DLL3: variants seen among roughly 807,000 people sequenced by gnomAD.
The protein encoded by DLL3 is delta like canonical Notch ligand 3.
In DLL3, 49 loss-of-function variants were observed where a neutral mutation model predicts 55.0. That is an observed-to-expected ratio of 0.89 (90% CI 0.71 to 1.13). The LOEUF (loss-of-function observed/expected upper bound fraction) is 1.13. Ranked by LOEUF, DLL3 falls within the 50% of genes most tolerant of loss-of-function variation. The pLI, the probability that DLL3 is intolerant of heterozygous loss-of-function variation, is 0.00. For missense variants in DLL3, 962 were observed against 875.5 expected (o/e 1.10, Z -1.25); for synonymous variants, 421 against 385.2 (o/e 1.09, Z -1.09).
chr19:39,503,761 C>T (rs763502510), intron 4 of DLL3, among the ~76,000 whole-genome samples: 1 of 152,186 alleles, frequency 6.6e-6, no homozygotes, highest in Non-Finnish European at 1.5e-5. Context: ...CCTATCCTCA[C>T]GATCTCACCT....
At chr19:39,504,464 T>C (rs1357820228) in intron 5 of DLL3, among the ~76,000 whole-genome samples, 176 bp downstream of exon 5, 1 of 151,900 alleles carries the variant, frequency 6.6e-6, no homozygotes, top group Non-Finnish European at 1.5e-5. Flanking sequence ...GATTAGGTGA[T>C]GGGGATGGGA....
At position 39,508,284 on chromosome 19, in the gene DLL3, T is replaced by C. The variant is rs944593843; in HGVS notation, c.*27T>C. The stretch of plus-strand genomic sequence containing the variant: ...GCGTCTCCTCCATCCGCACCTGGAG[T>C]CAGAGCGTGGATTTTTGTATTTGCT... On this transcript the variant is annotated 3_prime_UTR_variant, in exon 9 of 9. Coordinates refer to ENST00000356433, the MANE Select transcript of DLL3 (RefSeq NM_203486.3). 1.2e-6 allele frequency: 2 copies of C among 1,613,786 alleles called. No individual in the cohort carries two copies. The highest frequency in any genetic ancestry group is 1.7e-6 in the Non-Finnish European group (2 of 1,179,860).
chr19:39,500,914 G>A (rs2079606235), intron 3 of DLL3, among the ~76,000 whole-genome samples: 1 of 152,156 alleles, frequency 6.6e-6, no homozygotes, highest in East Asian at 1.9e-4. Flanking sequence ...CCAGAGCAGA[G>A]TGTAGCATTT....
chr19:39,500,594 C>T, intron 2 of DLL3, 21 bp from the exon 3 acceptor site: 1 of 1,610,458 alleles, frequency 6.2e-7, no homozygotes, highest in Non-Finnish European at 8.5e-7. Context: ...CTTTCATCTC[C>T]CCCTTCCTTC....
Position 39,507,076 on chromosome 19 carries a change from C to T in DLL3, c.1131C>T (p.Cys377=). ...LCLDLGHALR[C]RCRAGFAGPR... ...TGGACCTGGGCCACGCCCTGCGCTG[C>T]CGCTGCCGCGCCGGCTTCGCGGGTC... The change falls in exon 7 of 9, where the codon TGC becomes TGT. Residue 377 remains cysteine, a synonymous_variant. Coordinates refer to ENST00000356433, the MANE Select transcript of DLL3 (RefSeq NM_203486.3). 1 of 1,542,634 alleles carries T rather than the reference C, an allele frequency of 6.5e-7. No homozygotes were observed. The highest frequency in any genetic ancestry group is 8.7e-7 in the Non-Finnish European group (1 of 1,151,304).
Position 39,507,044 on chromosome 19 carries a change from C to G in DLL3, c.1099C>G (p.Leu367Val), listed in dbSNP as rs761366581. 1 of 1,536,098 alleles carries G rather than the reference C, an allele frequency of 6.5e-7. No homozygotes were observed. Among genetic ancestry groups the G allele is most frequent in the Middle Eastern group, 2.1e-4 (1 of 4,678 alleles). The change falls in exon 7 of 9, where the codon CTC (leucine) becomes GTC (valine). Residue 367 changes from leucine (L) to valine (V), a missense_variant. By Grantham distance (32) the Leu-to-Val change is conservative. Coordinates refer to ENST00000356433, the MANE Select transcript of DLL3 (RefSeq NM_203486.3). ...TGATGCTCCCTTCCCCACAGGCGGA[C>G]TCTGCCTGGACCTGGGCCACGCCCT... Reference protein sequence around the residue: ...CSLQPCRNGGLCLDLGHALRC... With the variant: ...CSLQPCRNGGVCLDLGHALRC...
chr19:39,500,431 C>CA (rs1491046622), intron 2 of DLL3, among the ~76,000 whole-genome samples, 184 bp from the exon 3 acceptor site: 2 of 143,742 alleles, frequency 1.4e-5, no homozygotes, highest in Non-Finnish European at 1.5e-5. Context: ...CCCCCCCCCC[C>CA]CAAAAAAAAG....
In DLL3 at chr19:39,507,308, TGCGCTCCCGGCTACATG is replaced by T. The variant is rs747283194; in HGVS notation, c.1365_1381del (p.Cys455TrpfsTer5). The T allele has an allele frequency of 6.4e-6, 10 of 1,558,384 alleles. No homozygotes were observed. The South Asian group carries it at 1.2e-4, about 18-fold the overall frequency. ...CCACTTCTCCGGCCTCGTCTGCGCT[TGCGCTCCCGGCTACATG>T]GGAGCGCGGTGTGAGTTCCCAGTGC... On this transcript the variant is annotated frameshift_variant, in exon 7 of 9. Transcript: ENST00000356433. LOFTEE classifies it high-confidence loss of function.
At chr19:39,499,650 T>C (rs896391279) in intron 2 of DLL3, among the ~76,000 whole-genome samples, 177 bp downstream of exon 2, 5 of 152,112 alleles carry the variant, frequency 3.3e-5, no homozygotes, top group Non-Finnish European at 7.4e-5. Flanking sequence ...CTCTAAACTC[T>C]ACACACTGGG....
In DLL3 at chr19:39,507,218, G is replaced by A; in HGVS notation, c.1273G>A (p.Asp425Asn). The change falls in exon 7 of 9, where the codon GAC (aspartate) becomes AAC (asparagine). Residue 425 changes from aspartate (D) to asparagine (N), a missense_variant. By Grantham distance (23) the Asp-to-Asn change is conservative. Coordinates refer to ENST00000356433, the MANE Select transcript of DLL3 (RefSeq NM_203486.3). The stretch of plus-strand genomic sequence containing the variant: ...CTGCGCGCTGGGCTTCGGCGGCCGC[G>A]ACTGCCGCGAGCGCGCGGACCCGTG... Reference protein sequence around the residue: ...CSCALGFGGRDCRERADPCAA... With the variant: ...CSCALGFGGRNCRERADPCAA... The A allele has an allele frequency of 1.5e-6, 2 of 1,354,698 alleles. No individual in the cohort carries two copies. Among genetic ancestry groups the A allele is most frequent in the Non-Finnish European group, 1.9e-6 (2 of 1,062,426 alleles). The allele number at this position is 1,354,698 out of a possible 1,614,324, so 83.9% of individuals were successfully genotyped here.
chr19:39,506,432 C>G (rs887163695), intron 6 of DLL3, among the ~76,000 whole-genome samples: 1 of 150,138 alleles, frequency 6.7e-6, no homozygotes, highest in Non-Finnish European at 1.5e-5. Context: ...CGAGTGAATA[C>G]AATAATTCTC....
chr19:39,499,184 C>T lies in DLL3; in HGVS notation c.70-8C>T, dbSNP rs1379076441. On this transcript the variant is annotated splice_polypyrimidine_tract_variant and splice_region_variant and intron_variant, in intron 1 of 8. Coordinates refer to ENST00000356433, the MANE Select transcript of DLL3 (RefSeq NM_203486.3). ...GGCCGCCTCACCCTGCGCCCGTCTC[C>T]GTCCCAGACACGGCCCGCTGGCGTC... 6.3e-7 allele frequency: 1 copy of T among 1,586,168 alleles called. No homozygotes were observed.
intron 1 of DLL3, 53 bp downstream of exon 1, chr19:39,499,096 G>T: frequency 3.1e-6 from 5 of 1,613,726 alleles, no homozygotes; most frequent in Non-Finnish European, 4.2e-6. Flanking sequence ...GAGGGGAGGG[G>T]TGAGTGCGAC....
Position 39,504,165 on chromosome 19 carries a change from G to C in DLL3, c.747G>C (p.Thr249=), listed in dbSNP as rs146906924. 6.2e-7 allele frequency: 1 copy of C among 1,612,452 alleles called. No individual in the cohort carries two copies. The highest frequency in any genetic ancestry group is 1.3e-5 in the African/African-American group (1 of 75,060). The change falls in exon 5 of 9, where the codon ACG becomes ACC. Residue 249 remains threonine (T), a synonymous_variant. Coordinates refer to ENST00000356433, the MANE Select transcript of DLL3 (RefSeq NM_203486.3). ...CLEGWTGPLC[T]VPVSTSSCLS... is the part of the protein sequence containing the mutation. ...AGGGCTGGACTGGACCCCTCTGCACGGTCCCTGTCTCCACCAGCAGCTGCC... is the reference window on the plus strand; with the variant it reads ...AGGGCTGGACTGGACCCCTCTGCACCGTCCCTGTCTCCACCAGCAGCTGCC...
chr19:39,504,371 C>G, intron 5 of DLL3, 83 bp downstream of exon 5: 1 of 1,463,142 alleles, frequency 6.8e-7, no homozygotes, highest in East Asian at 2.3e-5. Context: ...CCATGAGACA[C>G]CAGCCTGGGG....
chr19:39,507,769 G>C, intron 7 of DLL3, 61 bp from the exon 8 acceptor site: 1 of 1,611,948 alleles, frequency 6.2e-7, no homozygotes, highest in Non-Finnish European at 8.5e-7. Flanking sequence ...TGATGGGTAG[G>C]GGAAAACAAG....
rs2079594249 is a variant in DLL3 at position 39,499,200 on chromosome 19, C to T, written c.78C>T (p.Pro26=). 1 of 1,575,896 alleles carries T rather than the reference C, an allele frequency of 6.3e-7. No homozygotes were observed. ...GCCCGTCTCCGTCCCAGACACGGCC[C>T]GCTGGCGTCTTCGAGCTGCAGATCC... is the stretch of plus-strand genomic sequence containing the variant. The part of the protein sequence containing the change: ...LALIFLPQTR[P]AGVFELQIHS... The change falls in exon 2 of 9, where the codon CCC becomes CCT. Residue 26 remains proline, a synonymous_variant. Transcript: ENST00000356433.
Position 39,507,108 on chromosome 19 carries a change from G to C in DLL3, c.1163G>C (p.Cys388Ser), listed in dbSNP as rs2079645626. 1 of 1,542,866 alleles carries C rather than the reference G, an allele frequency of 6.5e-7. No homozygotes were observed. The highest frequency in any genetic ancestry group is 8.7e-7 in the Non-Finnish European group (1 of 1,151,650). Residue 388 changes from cysteine to serine, a missense_variant, in exon 7 of 9, where the codon TGC (cysteine) becomes TCC (serine). Cys to Ser is a moderately radical substitution (Grantham distance 112). Transcript: ENST00000356433. ...RCRAGFAGPRCEHDLDDCAGR... is the reference protein window; with the variant it reads ...RCRAGFAGPRSEHDLDDCAGR... ...CGCGCCGGCTTCGCGGGTCCTCGCT[G>C]CGAGCACGACCTGGACGACTGCGCG...
chr19:39,500,794 G>C, intron 3 of DLL3, 122 bp downstream of exon 3: 1 of 854,294 alleles, frequency 1.2e-6, no homozygotes, highest in Non-Finnish European at 2.0e-6. Context: ...GCTGAGTGTT[G>C]ACAGCTCCAG....
Sources: gnomAD v4.1 joint callset for allele counts (sites outside exome capture counted in the v4.1 genomes callset) on GRCh38, gnomAD v4.1.1 for gene constraint, MANE v1.5 for transcripts, NCBI Gene and HGNC (gene_info 2026-07-23, HGNC 2026-07-21) for gene names.